ZBTB6: variants seen among roughly 807,000 people sequenced by gnomAD.
ZBTB6 encodes zinc finger and BTB domain containing 6, also known as zinc finger and BTB domain-containing protein 6.
A neutral mutation model predicts 30.6 loss-of-function variants in ZBTB6; 11 were observed. The observed-to-expected ratio is 0.36, with a 90% CI of 0.23 to 0.60. The LOEUF is 0.60. Ranked by LOEUF, ZBTB6 falls within the 20% of genes least tolerant of loss-of-function variation. ZBTB6 has a pLI of 0.75. For synonymous variants in ZBTB6, 174 were observed against 172.0 expected (o/e 1.01, Z -0.09); for missense variants, 380 against 489.4 (o/e 0.78, Z 2.11).
At position 122,911,511 on chromosome 9, in the gene ZBTB6, A is replaced by G. The variant is rs1293360555; in HGVS notation, c.562T>C (p.Ser188Pro). 6.2e-7 allele frequency: 1 copy of G among 1,614,076 alleles called. No homozygotes were observed. Among genetic ancestry groups the G allele is most frequent in the African/African-American group, 1.3e-5 (1 of 75,036 alleles). The change falls in exon 2 of 2, where the codon TCT becomes CCT. Residue 188 changes from serine to proline, a missense_variant. Transcript: ENST00000373659. This position sits in a 1 kb window ranked among gnomAD's most constrained non-coding sequence, Gnocchi z 4.5. Reference sequence around the variant, plus strand: ...TCTGATGTCAGACTCTCTACTGTAGACTGCAAAGCATTGCTTTCCTCTTCT... The same window carrying G: ...TCTGATGTCAGACTCTCTACTGTAGGCTGCAAAGCATTGCTTTCCTCTTCT... ...VKEEESNALQ[S>P]TVESLTSERK...
rs1300885546 is a variant in ZBTB6, at chr9:122,911,970, C to T, written c.103G>A (p.Val35Ile). 1.2e-6 allele frequency: 2 copies of T among 1,614,092 alleles called. No individual in the cohort carries two copies. Among genetic ancestry groups the T allele is most frequent in the Non-Finnish European group, 1.7e-6 (2 of 1,180,048 alleles). ...LLRQQNLFCD[V>I]SIYINDTEFQ... Reference sequence around the variant, plus strand: ...TCAGTGTCATTAATGTAAATTGATACATCACAAAATAAATTCTGCTGTCTC... The same window carrying T: ...TCAGTGTCATTAATGTAAATTGATATATCACAAAATAAATTCTGCTGTCTC... Residue 35 changes from valine to isoleucine, a missense_variant, in exon 2 of 2, where the codon GTA becomes ATA. Transcript: ENST00000373659. This position sits in a 1 kb window ranked among gnomAD's most constrained non-coding sequence, Gnocchi z 4.5.
chr9:122,911,767 T>C lies in ZBTB6; in HGVS notation c.306A>G (p.Lys102=), dbSNP rs147614654. The change falls in exon 2 of 2, where the codon AAA becomes AAG. Residue 102 remains lysine, a synonymous_variant. Coordinates refer to ENST00000373659, the MANE Select transcript of ZBTB6 (RefSeq NM_006626.6). The surrounding 1 kb of genome is among the most constrained non-coding windows in gnomAD (Gnocchi z 4.5). The part of the protein sequence containing the change: ...ALEVKRKELL[K]YLTAASYLQM... The stretch of plus-strand genomic sequence containing the variant: ...GAAGGTAACTGGCAGCAGTCAAGTA[T>C]TTCAAAAGCTCTTTCCTTTTAACTT... The C allele has an allele frequency of 2.9e-4, 465 of 1,614,092 alleles. 1 individual carries two copies. The highest frequency in any genetic ancestry group is 3.8e-4 in the Non-Finnish European group (453 of 1,180,056).
Position 122,911,718 on chromosome 9 carries a change from A to C in ZBTB6, c.355T>G (p.Cys119Gly). The change falls in exon 2 of 2, where the codon TGC (cysteine) becomes GGC (glycine). Residue 119 changes from cysteine (C) to glycine (G), a missense_variant. Physicochemically the swap from Cys to Gly is radical, Grantham distance 159. Transcript: ENST00000373659. This position sits in a 1 kb window ranked among gnomAD's most constrained non-coding sequence, Gnocchi z 4.5. ...YLQMVHIVEK[C>G]TEALSKYLEI... Reference sequence around the variant, plus strand: ...AGATACTTTGACAAAGCTTCTGTGCACTTTTCCACAATGTGAACCATCTGA... The same window carrying C: ...AGATACTTTGACAAAGCTTCTGTGCCCTTTTCCACAATGTGAACCATCTGA... 1 of 1,614,136 alleles carries C rather than the reference A, an allele frequency of 6.2e-7. No homozygotes were observed.
At position 122,911,278 on chromosome 9, in the gene ZBTB6, A is replaced by T; in HGVS notation, c.795T>A (p.Ala265=). ...CCTGATCTTGATTCCCAGGAACTTC[A>T]GCCACTCTGCTCTCAACTGTAGAAT... The part of the protein sequence containing the change: ...LINSTVESRV[A]EVPGNQDQGL... Residue 265 remains alanine (A), a synonymous_variant, in exon 2 of 2, where the codon GCT becomes GCA. Coordinates refer to ENST00000373659, the MANE Select transcript of ZBTB6 (RefSeq NM_006626.6). This position sits in a 1 kb window ranked among gnomAD's most constrained non-coding sequence, Gnocchi z 4.5. The T allele has an allele frequency of 6.2e-7, 1 of 1,614,168 alleles. No individual in the cohort carries two copies. Among genetic ancestry groups the T allele is most frequent in the South Asian group, 1.1e-5 (1 of 91,086 alleles).
rs770915033 is a variant in ZBTB6, at chr9:122,911,824, T to C, written c.249A>G (p.Lys83=). 1 of 1,614,192 alleles carries C rather than the reference T, an allele frequency of 6.2e-7. No homozygotes were observed. The highest frequency in any genetic ancestry group is 2.2e-5 in the East Asian group (1 of 44,884). Residue 83 remains lysine (K), a synonymous_variant, in exon 2 of 2, where the codon AAA becomes AAG. Coordinates refer to ENST00000373659, the MANE Select transcript of ZBTB6 (RefSeq NM_006626.6). This position sits in a 1 kb window ranked among gnomAD's most constrained non-coding sequence, Gnocchi z 4.5. ...TILQSAEVGR[K]LLLSCYTGAL... ...CTCCAGTATAGCAAGACAGTAACAA[T>C]TTTCTGCCAACTTCTGCACTCTGTA... is the stretch of plus-strand genomic sequence containing the variant.
Position 122,913,240 on chromosome 9 carries a change from C to CACTCACTCACCGA in ZBTB6, c.-12_-10+10dup. On this transcript the variant is annotated intron_variant, in intron 1 of 1. Transcript: ENST00000373659. ...CCCTCCACCTGAGGAATCTACTTTGCACTCACTCACCGACTCAGAAAACTA... is the reference window on the plus strand; with the variant it reads ...CCCTCCACCTGAGGAATCTACTTTGCACTCACTCACCGAACTCACTCACCGACTCAGAAAACTA... The CACTCACTCACCGA allele has an allele frequency of 1.0e-6, 1 of 986,276 alleles. No homozygotes were observed. The highest frequency in any genetic ancestry group is 1.1e-4 in the East Asian group (1 of 8,814). 61.1% of individuals were successfully genotyped at this position (986,276 alleles called of 1,614,324 possible).
Position 122,908,100 on chromosome 9 carries a change from G to C in ZBTB6, c.*2698C>G, listed in dbSNP as rs1179545713. 1 of 152,186 alleles carries C rather than the reference G, an allele frequency of 6.6e-6. No homozygotes were observed. Among genetic ancestry groups the C allele is most frequent in the Non-Finnish European group, 1.5e-5 (1 of 68,040 alleles). The allele number at this position is 152,186 out of a possible 1,614,324, so 9.4% of individuals were successfully genotyped here. ...TATTATTTCTTATGTAAACATGTAA[G>C]ATAGTTACATCCCAGGAAAAAGGGC... On this transcript the variant is annotated 3_prime_UTR_variant, in exon 2 of 2. Transcript: ENST00000373659.
rs1297871196 is a variant in ZBTB6 at position 122,911,635 on chromosome 9, A to C, written c.438T>G (p.Ser146=). ...CATCTTCATTCTTAACATCAGGATC[A>C]GAAGACTGACACAGGTCAGTGTGTT... The part of the protein sequence containing the change: ...NNQHTDLCQS[S]DPDVKNEDEN... Residue 146 remains serine (S), a synonymous_variant, in exon 2 of 2, where the codon TCT becomes TCG. Coordinates refer to ENST00000373659, the MANE Select transcript of ZBTB6 (RefSeq NM_006626.6). The surrounding 1 kb of genome is among the most constrained non-coding windows in gnomAD (Gnocchi z 4.5). 2 of 1,613,412 alleles carry C rather than the reference A, an allele frequency of 1.2e-6. No homozygotes were observed. Among genetic ancestry groups the C allele is most frequent in the Middle Eastern group, 1.6e-4 (1 of 6,084 alleles).
rs149742023 is a variant in ZBTB6, at chr9:122,911,977, A to G, written c.96T>C (p.Phe32=). 5.8e-5 allele frequency: 93 copies of G among 1,614,224 alleles called. No homozygotes were observed. The African/African-American group carries it at 1.1e-3, about 19-fold the overall frequency. The change falls in exon 2 of 2, where the codon TTT becomes TTC. Residue 32 remains phenylalanine, a synonymous_variant. Transcript: ENST00000373659. The surrounding 1 kb of genome is among the most constrained non-coding windows in gnomAD (Gnocchi z 4.5). ...KMNLLRQQNL[F]CDVSIYINDT... is the part of the protein sequence containing the mutation. ...CATTAATGTAAATTGATACATCACAAAATAAATTCTGCTGTCTCAAAAGAT... is the reference window on the plus strand; with the variant it reads ...CATTAATGTAAATTGATACATCACAGAATAAATTCTGCTGTCTCAAAAGAT...
rs1832943662 is a variant in ZBTB6 at position 122,910,654 on chromosome 9, G to C, written c.*144C>G. 1.2e-6 allele frequency: 1 copy of C among 836,692 alleles called. No individual in the cohort carries two copies. The allele number at this position is 836,692 out of a possible 1,614,324, so 51.8% of individuals were successfully genotyped here. A position where few individuals can be genotyped will look rare whatever the true frequency, so the allele number is the denominator to read the frequency against. ...TCCCATAACTTTGGAACTGTTAGAA[G>C]TTCAGAAAGAATGATTATGTGTAAG... is the stretch of plus-strand genomic sequence containing the variant. On this transcript the variant is annotated 3_prime_UTR_variant, in exon 2 of 2. Coordinates refer to ENST00000373659, the MANE Select transcript of ZBTB6 (RefSeq NM_006626.6).
intron 1 of ZBTB6, among the ~76,000 whole-genome samples, chr9:122,912,832 G>A (rs1223016412): frequency 1.3e-5 from 2 of 152,118 alleles, no homozygotes; most frequent in African/African-American, 4.8e-5. Flanking sequence ...CAGACAAAAA[G>A]ACACGAATAC....
In ZBTB6 at chr9:122,911,967, A is replaced by C. The variant is rs1482195789; in HGVS notation, c.106T>G (p.Ser36Ala). 6.2e-7 allele frequency: 1 copy of C among 1,614,212 alleles called. No homozygotes were observed. Among genetic ancestry groups the C allele is most frequent in the Non-Finnish European group, 8.5e-7 (1 of 1,180,038 alleles). The change falls in exon 2 of 2, where the codon TCA becomes GCA. Residue 36 changes from serine to alanine, a missense_variant. Ser to Ala is a moderately conservative substitution (Grantham distance 99). Transcript: ENST00000373659. This position sits in a 1 kb window ranked among gnomAD's most constrained non-coding sequence, Gnocchi z 4.5. ...AACTCAGTGTCATTAATGTAAATTG[A>C]TACATCACAAAATAAATTCTGCTGT... ...LRQQNLFCDVSIYINDTEFQG... is the reference protein window; with the variant it reads ...LRQQNLFCDVAIYINDTEFQG...
In ZBTB6 at chr9:122,910,603, C is replaced by A; in HGVS notation, c.*195G>T. On this transcript the variant is annotated 3_prime_UTR_variant, in exon 2 of 2. Coordinates refer to ENST00000373659, the MANE Select transcript of ZBTB6 (RefSeq NM_006626.6). ...CTTATATGTAAGGTATGAGATGAGA[C>A]AGAATCCCATCAGCTTTACTGTGCC... The A allele has an allele frequency of 1.7e-6, 1 of 576,276 alleles. No homozygotes were observed. The highest frequency in any genetic ancestry group is 3.1e-6 in the Non-Finnish European group (1 of 327,580). The allele number at this position is 576,276 out of a possible 1,614,324, so 35.7% of individuals were successfully genotyped here. A position where few individuals can be genotyped will look rare whatever the true frequency, so the allele number is the denominator to read the frequency against.
rs1832957083 is a variant in ZBTB6, at chr9:122,911,821, C to T, written c.252G>A (p.Leu84=). Residue 84 remains leucine, a synonymous_variant, in exon 2 of 2, where the codon TTG becomes TTA. Transcript: ENST00000373659. This position sits in a 1 kb window ranked among gnomAD's most constrained non-coding sequence, Gnocchi z 4.5. ...ILQSAEVGRK[L]LLSCYTGALE... ...GTGCTCCAGTATAGCAAGACAGTAA[C>T]AATTTTCTGCCAACTTCTGCACTCT... 2 of 1,614,076 alleles carry T rather than the reference C, an allele frequency of 1.2e-6. No homozygotes were observed. Among genetic ancestry groups the T allele is most frequent in the Non-Finnish European group, 1.7e-6 (2 of 1,180,048 alleles).
intron 1 of ZBTB6, 87 bp from the exon 2 acceptor site, chr9:122,912,168 C>G: frequency 7.5e-7 from 1 of 1,327,858 alleles, no homozygotes; most frequent in East Asian, 2.3e-5. Context: ...CGAAAAACCC[C>G]AAACCTGAAT....
rs759117451 is a variant in ZBTB6 at position 122,911,835 on chromosome 9, C to A, written c.238G>T (p.Val80Phe). ...VRITILQSAE[V>F]GRKLLLSCYT... ...CAAGACAGTAACAATTTTCTGCCAACTTCTGCACTCTGTAAGATGGTGATT... is the reference window on the plus strand; with the variant it reads ...CAAGACAGTAACAATTTTCTGCCAAATTCTGCACTCTGTAAGATGGTGATT... Residue 80 changes from valine (V) to phenylalanine (F), a missense_variant, in exon 2 of 2, where the codon GTT (valine) becomes TTT (phenylalanine). Val to Phe is a conservative substitution (Grantham distance 50). Coordinates refer to ENST00000373659, the MANE Select transcript of ZBTB6 (RefSeq NM_006626.6). This position sits in a 1 kb window ranked among gnomAD's most constrained non-coding sequence, Gnocchi z 4.5. 94 of 1,614,200 alleles carry A rather than the reference C, an allele frequency of 5.8e-5. No homozygotes were observed. Among genetic ancestry groups the A allele is most frequent in the South Asian group, 9.9e-5 (9 of 91,086 alleles).
chr9:122,912,032 T>C lies in ZBTB6; in HGVS notation c.41A>G (p.Gln14Arg). Reference sequence around the variant, plus strand: ...TTTCTGCAAGACCACATCTCCTTGCTGTTCAAACTGGAAATGCAGAACATC... The same window carrying C: ...TTTCTGCAAGACCACATCTCCTTGCCGTTCAAACTGGAAATGCAGAACATC... ...ESDVLHFQFE[Q>R]QGDVVLQKMN... The change falls in exon 2 of 2, where the codon CAG (glutamine) becomes CGG (arginine). Residue 14 changes from glutamine to arginine, a missense_variant. Gln to Arg is a conservative substitution (Grantham distance 43). Transcript: ENST00000373659. The C allele has an allele frequency of 6.2e-7, 1 of 1,613,812 alleles. No homozygotes were observed. The highest frequency in any genetic ancestry group is 8.5e-7 in the Non-Finnish European group (1 of 1,179,810).
rs1489061087 is a variant in ZBTB6 at position 122,909,311 on chromosome 9, G to C, written c.*1487C>G. ...AGTTAACTAGAGGAGGACTAGAACAGCTTCAAAGAAAGATGCATCTAGTCA... is the reference window on the plus strand; with the variant it reads ...AGTTAACTAGAGGAGGACTAGAACACCTTCAAAGAAAGATGCATCTAGTCA... On this transcript the variant is annotated 3_prime_UTR_variant, in exon 2 of 2. Transcript: ENST00000373659. The C allele has an allele frequency of 6.6e-6, 1 of 152,160 alleles. No individual in the cohort carries two copies. Among genetic ancestry groups the C allele is most frequent in the Non-Finnish European group, 1.5e-5 (1 of 68,012 alleles). 9.4% of individuals were successfully genotyped at this position (152,160 alleles called of 1,614,324 possible). A position where few individuals can be genotyped will look rare whatever the true frequency, so the allele number is the denominator to read the frequency against.
intron 1 of ZBTB6, among the ~76,000 whole-genome samples, chr9:122,912,836 C>A (rs1039032735): frequency 5.9e-5 from 9 of 152,190 alleles, no homozygotes; most frequent in African/African-American, 2.2e-4. Flanking sequence ...CAAAAAGACA[C>A]GAATACACAT....
Sources: allele counts gnomAD v4.1 joint callset (sites outside exome capture counted in the v4.1 genomes callset), GRCh38; gene constraint gnomAD v4.1.1; non-coding constraint Gnocchi (gnomAD v3.1); transcripts MANE v1.5; gene names NCBI Gene and HGNC (gene_info 2026-07-23, HGNC 2026-07-21).